Variants in PTPN4 observed in about 807,000 individuals in gnomAD.
PTPN4 encodes the protein protein tyrosine phosphatase non-receptor type 4, also known as tyrosine-protein phosphatase non-receptor type 4.
Under a neutral mutation model 135.5 loss-of-function variants are expected in PTPN4, and 49 were observed. The observed-to-expected ratio is 0.36, with a 90% CI of 0.29 to 0.46. The LOEUF (loss-of-function observed/expected upper bound fraction) is 0.46, where lower values mean the gene tolerates loss of function less well. Ranked by LOEUF, PTPN4 falls within the 20% of genes least tolerant of loss-of-function variation. The pLI is 1.00. For synonymous variants in PTPN4, 333 were observed against 369.9 expected (o/e 0.90, Z 1.14); for missense variants, 860 against 1,101.0 (o/e 0.78, Z 3.10).
Position 119,968,800 on chromosome 2 carries a change from A to G in PTPN4, c.2694+828A>G, listed in dbSNP as rs541825548. Among the ~76,000 whole-genome samples the G allele has an allele frequency of 1.4e-4, 22 of 152,340 alleles. No individual in the cohort carries two copies. In the East Asian group the frequency reaches 4.0e-3, roughly 28 times the overall value. On this transcript the variant is annotated intron_variant, in intron 26 of 26. Transcript: ENST00000263708. ...GAGTGCGACTCAGTCTCAAAAAAAA[A>G]GAACTTACGTTGCAACAACAAAAAT...
rs1007096567 is a variant in PTPN4, at chr2:119,977,979, G to C, written c.*909G>C. On this transcript the variant is annotated 3_prime_UTR_variant, in exon 27 of 27. Coordinates refer to ENST00000263708, the MANE Select transcript of PTPN4 (RefSeq NM_002830.4). The stretch of plus-strand genomic sequence containing the variant: ...TATTGAGTGTTATACAGTCAAAGAA[G>C]GGTAAGGAAATTCTGTTTCTTACTC... 3.3e-5 allele frequency: 5 copies of C among 152,110 alleles called. No homozygotes were observed. The highest frequency in any genetic ancestry group is 1.2e-4 in the African/African-American group (5 of 41,388). The allele number at this position is 152,110 out of a possible 1,614,324, so 9.4% of individuals were successfully genotyped here. A position where few individuals can be genotyped will look rare whatever the true frequency, so the allele number is the denominator to read the frequency against.
At chr2:119,864,719 A>T (rs1415384696) in intron 3 of PTPN4, among the ~76,000 whole-genome samples, 1 of 152,216 alleles carries the variant, frequency 6.6e-6, no homozygotes, top group South Asian at 2.1e-4. Context: ...GACATATCAT[A>T]TACAAAAAGA....
At chr2:119,838,353 C>G (rs1465287400) in intron 2 of PTPN4, among the ~76,000 whole-genome samples, 1 of 151,934 alleles carries the variant, frequency 6.6e-6, no homozygotes, top group African/African-American at 2.4e-5. Flanking sequence ...GAAGGTGCCG[C>G]CAGCCACCGA....
At chr2:119,905,587 A>C (rs188721085) in intron 10 of PTPN4, among the ~76,000 whole-genome samples, 15 of 152,190 alleles carry the variant, frequency 9.9e-5, no homozygotes. Context: ...CAAACATTGG[A>C]CTTAATCTGC....
intron 2 of PTPN4, among the ~76,000 whole-genome samples, chr2:119,823,175 C>G (rs1473304763): frequency 6.6e-6 from 1 of 151,882 alleles, no homozygotes; most frequent in Non-Finnish European, 1.5e-5. Flanking sequence ...TGGTACTGCT[C>G]CTTATTTCAA....
At chr2:119,774,577 A>T (rs1228929230) in intron 1 of PTPN4, among the ~76,000 whole-genome samples, 1 of 152,246 alleles carries the variant, frequency 6.6e-6, no homozygotes, top group African/African-American at 2.4e-5. Context: ...TTATATGATG[A>T]CTTAAAGCAA....
At chr2:119,793,846 GTTTTTTTTTTTTTTTTT>G (rs55956611) in intron 1 of PTPN4, among the ~76,000 whole-genome samples, 4 of 24,800 alleles carry the variant, frequency 1.6e-4, no homozygotes, top group Non-Finnish European at 2.5e-4. Flanking sequence ...TTCATTTTTA[GTTTTTTTTTTTTTTTTT>G]TTTTTTTTTT....
rs1678957546 is a variant in PTPN4, at chr2:119,934,821, G to A, written c.1218G>A (p.Gln406=). 3.7e-6 allele frequency: 6 copies of A among 1,613,880 alleles called. No individual in the cohort carries two copies. The highest frequency in any genetic ancestry group is 4.2e-6 in the Non-Finnish European group (5 of 1,179,892). The change falls in exon 15 of 27, where the codon CAG becomes CAA. Residue 406 remains glutamine (Q), a synonymous_variant. Transcript: ENST00000263708. The stretch of plus-strand genomic sequence containing the variant: ...TTAGTCGAAATTCTACATTCACGCA[G>A]GAAGGAACCCGGTTACGACCATCTT... ...TPNHRNSTFT[Q]EGTRLRPSSV... is the part of the protein sequence containing the mutation.
At chr2:119,962,956 A>G (rs1458312657) in intron 24 of PTPN4, among the ~76,000 whole-genome samples, 1 of 152,200 alleles carries the variant, frequency 6.6e-6, no homozygotes, top group Non-Finnish European at 1.5e-5. Flanking sequence ...TTCTATGACT[A>G]AATATGAATG....
In PTPN4 at chr2:119,862,625, T is replaced by C. The variant is rs137905147; in HGVS notation, c.228T>C (p.Asp76=). The change falls in exon 3 of 27, where the codon GAT becomes GAC. Residue 76 remains aspartate, a synonymous_variant. Coordinates refer to ENST00000263708, the MANE Select transcript of PTPN4 (RefSeq NM_002830.4). ...EQDYFGLQLA[D]DSTDNPRWLD... ...ACTATTTTGGTTTACAGTTGGCTGA[T>C]GATTCCACAGATAACCCAGTAAGTG... 62 of 1,610,760 alleles carry C rather than the reference T, an allele frequency of 3.8e-5. No homozygotes were observed. In the African/African-American group the frequency reaches 8.0e-4, roughly 21 times the overall value.
At chr2:119,841,343 G>A (rs999751906) in intron 2 of PTPN4, among the ~76,000 whole-genome samples, 1 of 152,148 alleles carries the variant, frequency 6.6e-6, no homozygotes, top group African/African-American at 2.4e-5. Context: ...ATACATGTAT[G>A]TGTCTATGTG....
chr2:119,865,836 G>T (rs1677826753), intron 3 of PTPN4, among the ~76,000 whole-genome samples: 2 of 152,014 alleles, frequency 1.3e-5, no homozygotes, highest in African/African-American at 4.8e-5. Context: ...TGAAATTAAT[G>T]TAATTGAGTT....
Position 119,885,796 on chromosome 2 carries a change from G to C in PTPN4, c.589G>C (p.Gly197Arg), listed in dbSNP as rs1036549163. 6.3e-7 allele frequency: 1 copy of C among 1,581,942 alleles called. No individual in the cohort carries two copies. Among genetic ancestry groups the C allele is most frequent in the Non-Finnish European group, 8.6e-7 (1 of 1,161,982 alleles). Reference sequence around the variant, plus strand: ...TTTAACTTAATGATGTCTTTATAGAGGCTTATCTCCTGCAGAAGCAGAATT... The same window carrying C: ...TTTAACTTAATGATGTCTTTATAGACGCTTATCTCCTGCAGAAGCAGAATT... ...EIAKLHQQHIGLSPAEAEFNY... is the reference protein window; with the variant it reads ...EIAKLHQQHIRLSPAEAEFNY... Residue 197 changes from glycine to arginine, a missense_variant and splice_region_variant, in exon 9 of 27, where the codon GGC (glycine) becomes CGC (arginine). This residue lies in a region of PTPN4 where 684 missense variants were observed against 807.0 expected (regional missense o/e 0.85). Transcript: ENST00000263708.
intron 2 of PTPN4, among the ~76,000 whole-genome samples, chr2:119,857,248 G>C (rs1394231384): frequency 6.6e-6 from 1 of 151,962 alleles, no homozygotes; most frequent in Non-Finnish European, 1.5e-5. Flanking sequence ...GAAAAGAAAA[G>C]TGCAGGGCAC....
chr2:119,863,546 G>A (rs182561538), intron 3 of PTPN4, among the ~76,000 whole-genome samples: 2 of 152,212 alleles, frequency 1.3e-5, no homozygotes, highest in East Asian at 3.9e-4. Flanking sequence ...TACAAATAAT[G>A]TTTATGAGAA....
intron 5 of PTPN4, among the ~76,000 whole-genome samples, chr2:119,878,759 G>T (rs1383522537): frequency 6.9e-6 from 1 of 144,394 alleles, no homozygotes; most frequent in Non-Finnish European, 1.5e-5. Flanking sequence ...TAATCCTAAT[G>T]CTTGCAACTA....
intron 1 of PTPN4, among the ~76,000 whole-genome samples, chr2:119,764,688 T>G (rs1397226614): frequency 1.3e-5 from 2 of 152,114 alleles, no homozygotes; most frequent in Non-Finnish European, 2.9e-5. Flanking sequence ...TTCCTTAATT[T>G]TCTTAGGTTA....
chr2:119,771,008 T>C (rs889766469), intron 1 of PTPN4, among the ~76,000 whole-genome samples: 2 of 151,996 alleles, frequency 1.3e-5, no homozygotes, highest in African/African-American at 2.4e-5. Flanking sequence ...GCCTCCCGAG[T>C]GGCTGGGACT....
intron 10 of PTPN4, among the ~76,000 whole-genome samples, chr2:119,901,145 G>A (rs1386004663): frequency 6.6e-6 from 1 of 152,154 alleles, no homozygotes; most frequent in Admixed American, 6.5e-5. Flanking sequence ...ACCAAAGTAG[G>A]AGAATGGAAA....
Sources: gnomAD v4.1 joint callset for allele counts (sites outside exome capture counted in the v4.1 genomes callset) on GRCh38, gnomAD v4.1.1 for gene constraint, gnomAD v4.1.1 regional missense constraint, MANE v1.5 for transcripts, NCBI Gene and HGNC (gene_info 2026-07-23, HGNC 2026-07-21) for gene names.